ATG7: variants seen among roughly 807,000 people sequenced by gnomAD.
The protein encoded by ATG7 is autophagy related 7.
ATG7 carries 70 observed loss-of-function variants against 82.4 expected under a neutral mutation model. That is an observed-to-expected ratio of 0.85 (90% CI 0.70 to 1.04). ATG7 has a LOEUF of 1.04. ATG7 is among the 50% of genes least tolerant of loss of function. The probability of loss-of-function intolerance (pLI) is 0.00; values close to 1 mark genes in which losing one functional copy is unlikely to be tolerated. For synonymous variants in ATG7, 287 were observed against 313.0 expected (o/e 0.92, Z 0.88); for missense variants, 792 against 864.3 (o/e 0.92, Z 1.05).
intron 20 of ATG7, among the ~76,000 whole-genome samples, chr3:11,439,780 G>T (rs1015510964): frequency 1.3e-5 from 2 of 152,188 alleles, no homozygotes; most frequent in South Asian, 2.1e-4. Flanking sequence ...AAGGGCCTGT[G>T]GCATGACCAC....
intron 1 of ATG7, among the ~76,000 whole-genome samples, chr3:11,275,294 C>T (rs1352049441): frequency 1.3e-5 from 2 of 151,246 alleles, no homozygotes; most frequent in East Asian, 1.9e-4. Context: ...TTGCCTCTGT[C>T]GTCCACTTCT....
chr3:11,330,847 A>G (rs1235082022), intron 9 of ATG7, among the ~76,000 whole-genome samples: 4 of 152,184 alleles, frequency 2.6e-5, no homozygotes, highest in African/African-American at 9.6e-5. Flanking sequence ...TGGGATGGGA[A>G]AGGGGAGGGA....
chr3:11,402,976 C>G (rs2079979011), intron 19 of ATG7, among the ~76,000 whole-genome samples: 1 of 152,062 alleles, frequency 6.6e-6, no homozygotes. Flanking sequence ...TTAATTAAAA[C>G]CAGGAATCTA....
At chr3:11,370,524 C>T (rs2076925657) in intron 18 of ATG7, among the ~76,000 whole-genome samples, 1 of 151,174 alleles carries the variant, frequency 6.6e-6, no homozygotes, top group African/African-American at 2.4e-5. Flanking sequence ...TATGCGAACT[C>T]CAAGCTTTAG....
At chr3:11,434,796 C>A (rs7620624) in intron 20 of ATG7, among the ~76,000 whole-genome samples, 2 of 152,102 alleles carry the variant, frequency 1.3e-5, no homozygotes, top group African/African-American at 4.8e-5. Flanking sequence ...GAAGTCTAAG[C>A]GAGAAAGAAG....
At chr3:11,547,559 T>C (rs1400045078) in intron 20 of ATG7, among the ~76,000 whole-genome samples, 2 of 152,248 alleles carry the variant, frequency 1.3e-5, no homozygotes, top group Non-Finnish European at 2.9e-5. Flanking sequence ...TTGTACCATA[T>C]GGTAACTGTG....
At chr3:11,310,902 G>C (rs1263591330) in intron 7 of ATG7, among the ~76,000 whole-genome samples, 1 of 152,162 alleles carries the variant, frequency 6.6e-6, no homozygotes, top group Non-Finnish European at 1.5e-5. Context: ...AAAGTGCTGG[G>C]ATTACAGGCA....
intron 12 of ATG7, among the ~76,000 whole-genome samples, chr3:11,341,103 G>T (rs575354157): frequency 2.8e-5 from 4 of 140,406 alleles, no homozygotes; most frequent in Admixed American, 7.2e-5. Flanking sequence ...CTTGCACTGT[G>T]CAGGCTGGAA....
chr3:11,438,974 T>C (rs2083613796), intron 20 of ATG7, among the ~76,000 whole-genome samples: 1 of 152,186 alleles, frequency 6.6e-6, no homozygotes, highest in African/African-American at 2.4e-5. Flanking sequence ...TGCTATGTGT[T>C]GAATTTGGGG....
intron 20 of ATG7, among the ~76,000 whole-genome samples, chr3:11,511,192 G>A (rs1420054747): frequency 1.3e-5 from 2 of 152,186 alleles, no homozygotes; most frequent in African/African-American, 4.8e-5. Context: ...GGTTGCCAAT[G>A]CTGGCTCAGG....
intron 13 of ATG7, among the ~76,000 whole-genome samples, chr3:11,347,156 G>A (rs1240721578): frequency 6.6e-6 from 1 of 152,162 alleles, no homozygotes; most frequent in African/African-American, 2.4e-5. Context: ...TTAACCAGAT[G>A]TATCTCTTAG....
In ATG7 at chr3:11,555,447, A is replaced by G. The variant is rs531440144; in HGVS notation, c.*604A>G. On this transcript the variant is annotated 3_prime_UTR_variant, in exon 21 of 21. Coordinates refer to ENST00000693202, the MANE Select transcript of ATG7 (RefSeq NM_001349232.2). ...CAAGGACTGAGTGAGCTGCTCAGACATGGCTTTCTGCCTCCCAGCCTGTCC... is the reference window on the plus strand; with the variant it reads ...CAAGGACTGAGTGAGCTGCTCAGACGTGGCTTTCTGCCTCCCAGCCTGTCC... 1 of 152,744 alleles carries G rather than the reference A, an allele frequency of 6.5e-6. No individual in the cohort carries two copies. The highest frequency in any genetic ancestry group is 6.5e-5 in the Admixed American group (1 of 15,280). The allele number at this position is 152,744 out of a possible 1,614,324, so 9.5% of individuals were successfully genotyped here. A position where few individuals can be genotyped will look rare whatever the true frequency, so the allele number is the denominator to read the frequency against.
chr3:11,356,226 C>G (rs962374450), intron 14 of ATG7, among the ~76,000 whole-genome samples: 2 of 152,176 alleles, frequency 1.3e-5, no homozygotes, highest in African/African-American at 2.4e-5. Context: ...TAGCTGTATG[C>G]AGTGGTTAAT....
intron 20 of ATG7, among the ~76,000 whole-genome samples, chr3:11,501,811 T>C (rs1300346289): frequency 6.6e-6 from 1 of 152,152 alleles, no homozygotes; most frequent in Admixed American, 6.5e-5. Flanking sequence ...TGCCTCAGCC[T>C]CCTGAGTAGC....
At chr3:11,475,909 C>CACACACTCACACACACACACA (rs1479988312) in intron 20 of ATG7, among the ~76,000 whole-genome samples, 4 of 104,698 alleles carry the variant, frequency 3.8e-5, no homozygotes, top group African/African-American at 1.3e-4. Flanking sequence ...ACACACACAC[C>CACACACTCACACACACACACA]CCCTCCCAGA....
At chr3:11,297,855 A>G (rs1388669097) in intron 3 of ATG7, among the ~76,000 whole-genome samples, 1 of 152,186 alleles carries the variant, frequency 6.6e-6, no homozygotes, top group Non-Finnish European at 1.5e-5. Flanking sequence ...CTCCAGGACC[A>G]CACAAGATGG....
the ATG7 span, among the ~76,000 whole-genome samples, chr3:11,567,690 C>A: frequency 6.6e-6 from 1 of 152,214 alleles, no homozygotes; most frequent in Non-Finnish European, 1.5e-5. Context: ...AGACCTTCCG[C>A]GGAACGGACG....
chr3:11,382,537 G>A (rs2077989410), intron 19 of ATG7, among the ~76,000 whole-genome samples: 1 of 152,142 alleles, frequency 6.6e-6, no homozygotes. Flanking sequence ...TCTACTTATT[G>A]TCTTGCAGAA....
chr3:11,458,340 T>C (rs1461445589), intron 20 of ATG7, among the ~76,000 whole-genome samples: 1 of 152,158 alleles, frequency 6.6e-6, no homozygotes, highest in Non-Finnish European at 1.5e-5. Flanking sequence ...CTCCGCTCAC[T>C]GCAAGCTCCG....
Sources: gnomAD v4.1 joint callset for allele counts (sites outside exome capture counted in the v4.1 genomes callset) on GRCh38, gnomAD v4.1.1 for gene constraint, MANE v1.5 for transcripts, NCBI Gene and HGNC (gene_info 2026-07-23, HGNC 2026-07-21) for gene names.